The following ZBTB8A variants were observed in gnomAD, a reference collection of about 807,000 sequenced individuals.
ZBTB8A encodes the protein zinc finger and BTB domain containing 8A.
In ZBTB8A, 19 loss-of-function variants were observed where a neutral mutation model predicts 37.8. The ratio of observed to expected loss-of-function variants is 0.50; its 90% confidence interval spans 0.35 to 0.74. The LOEUF (loss-of-function observed/expected upper bound fraction) is 0.74, where lower values mean the gene tolerates loss of function less well. Ranked by LOEUF, ZBTB8A falls within the 30% of genes least tolerant of loss-of-function variation. The probability of loss-of-function intolerance (pLI) is 0.01; values close to 1 mark genes in which losing one functional copy is unlikely to be tolerated. For synonymous variants in ZBTB8A, 181 were observed against 185.2 expected (o/e 0.98, Z 0.19); for missense variants, 394 against 537.8 (o/e 0.73, Z 2.65).
chr1:32,584,682 T>G (rs980644704), intron 2 of ZBTB8A, among the ~76,000 whole-genome samples: 2 of 151,588 alleles, frequency 1.3e-5, no homozygotes, highest in Non-Finnish European at 2.9e-5. Context: ...CAGCTAATTT[T>G]TTTTGTTTTG....
chr1:32,603,422 C>T lies in ZBTB8A; in HGVS notation c.*3003C>T, dbSNP rs1455065874. The T allele has an allele frequency of 1.3e-5, 2 of 152,348 alleles. No homozygotes were observed. The highest frequency in any genetic ancestry group is 2.1e-4 in the South Asian group (1 of 4,828). The allele number at this position is 152,348 out of a possible 1,614,324, so 9.4% of individuals were successfully genotyped here. A position where few individuals can be genotyped will look rare whatever the true frequency, so the allele number is the denominator to read the frequency against. The stretch of plus-strand genomic sequence containing the variant: ...GGATTACAGGCGTGAGCCAGCACGC[C>T]CGGCCTAAATCAGGATTCTTAACAA... On this transcript the variant is annotated 3_prime_UTR_variant, in exon 5 of 5. Transcript: ENST00000373510.
intron 3 of ZBTB8A, 145 bp from the exon 4 acceptor site, chr1:32,594,909 C>A (rs917190303): frequency 4.7e-6 from 4 of 858,162 alleles, no homozygotes; most frequent in Non-Finnish European, 6.6e-6. Context: ...TTTGGGCTAA[C>A]CAACTCCTTG....
Position 32,601,584 on chromosome 1 carries a change from G to A in ZBTB8A, c.*1165G>A, listed in dbSNP as rs1340263150. 7 of 398,384 alleles carry A rather than the reference G, an allele frequency of 1.8e-5. No individual in the cohort carries two copies. The South Asian group carries it at 3.8e-4, about 22-fold the overall frequency. 24.7% of individuals were successfully genotyped at this position (398,384 alleles called of 1,614,324 possible). On this transcript the variant is annotated 3_prime_UTR_variant, in exon 5 of 5. Transcript: ENST00000373510. ...GTACTCTCTCATGTATTTTCTCAGTGAGGTGGATACTATCTCCGATTTACA... is the reference window on the plus strand; with the variant it reads ...GTACTCTCTCATGTATTTTCTCAGTAAGGTGGATACTATCTCCGATTTACA...
chr1:32,555,069 G>T (rs371438103), intron 2 of ZBTB8A, among the ~76,000 whole-genome samples: 7 of 152,134 alleles, frequency 4.6e-5, no homozygotes, highest in African/African-American at 1.7e-4. Flanking sequence ...CTGGGTTAAA[G>T]CCCTTTTCTG....
Position 32,593,343 on chromosome 1 carries a change from A to G in ZBTB8A, c.412A>G (p.Lys138Glu), listed in dbSNP as rs1644504299. 1 of 1,614,212 alleles carries G rather than the reference A, an allele frequency of 6.2e-7. No individual in the cohort carries two copies. The change falls in exon 3 of 5, where the codon AAA (lysine) becomes GAA (glutamate). Residue 138 changes from lysine to glutamate, a missense_variant. Around this residue, in one of 4 missense-constraint regions of ZBTB8A, gnomAD observed 171 missense variants for 186.8 expected, o/e 0.92. Transcript: ENST00000373510. ...EKDRYFSLSD[K>E]DANSNGVERS... ...AGATCGCTATTTCAGTCTCTCAGAT[A>G]AAGATGCCAATTCTAATGGTGTAGA...
intron 2 of ZBTB8A, among the ~76,000 whole-genome samples, chr1:32,578,646 G>C (rs374344115): frequency 6.6e-6 from 1 of 151,454 alleles, no homozygotes; most frequent in Non-Finnish European, 1.5e-5. Flanking sequence ...TTCATTTCTA[G>C]ATCTGTTTCT....
chr1:32,562,486 G>T (rs930644779), intron 2 of ZBTB8A, among the ~76,000 whole-genome samples: 11 of 151,112 alleles, frequency 7.3e-5, no homozygotes, highest in Non-Finnish European at 7.4e-5. Context: ...GGTCAGGCTG[G>T]TCTCAAACTC....
intron 2 of ZBTB8A, among the ~76,000 whole-genome samples, chr1:32,586,478 TAGGAGA>T (rs2148245447): frequency 6.6e-6 from 1 of 152,190 alleles, no homozygotes; most frequent in East Asian, 1.9e-4. Flanking sequence ...TACATTTTAG[TAGGAGA>T]AGACAGATAA....
Position 32,565,983 on chromosome 1 carries a change from T to C in ZBTB8A, c.-2+12443T>C, listed in dbSNP as rs552822177. 1.3e-3 allele frequency among the ~76,000 whole-genome samples: 203 copies of C among 151,304 alleles called. 3 individuals carry two copies. Among genetic ancestry groups the C allele is most frequent in the African/African-American group, 4.8e-3 (196 of 41,174 alleles). On this transcript the variant is annotated intron_variant, in intron 2 of 4. Coordinates refer to ENST00000373510, the MANE Select transcript of ZBTB8A (RefSeq NM_001040441.3). ...TTGGGAGGCTGAGGCAGGCAGATCA[T>C]GACGTCAGGAGATCGAGACCATCCT...
rs12567940 is a variant in ZBTB8A, at chr1:32,601,901, C to A, written c.*1482C>A. The A allele has an allele frequency of 0.043, 16,389 of 382,558 alleles. 599 individuals carry two copies. The highest frequency in any genetic ancestry group is 0.12 in the Admixed American group (2,664 of 22,320). 23.7% of individuals were successfully genotyped at this position (382,558 alleles called of 1,614,324 possible). Reference sequence around the variant, plus strand: ...TACCTATTGGTATGTTTTTATGTCACGTTATTTATATGTAAATTTAAAGTA... The same window carrying A: ...TACCTATTGGTATGTTTTTATGTCAAGTTATTTATATGTAAATTTAAAGTA... On this transcript the variant is annotated 3_prime_UTR_variant, in exon 5 of 5. Transcript: ENST00000373510.
rs949852193 is a variant in ZBTB8A, at chr1:32,602,989, T to G, written c.*2570T>G. On this transcript the variant is annotated 3_prime_UTR_variant, in exon 5 of 5. Transcript: ENST00000373510. Reference sequence around the variant, plus strand: ...ATTGGTTACTTTCTTTTAAAAAATTTAAAAATAGATGAATAACCACTTGTT... The same window carrying G: ...ATTGGTTACTTTCTTTTAAAAAATTGAAAAATAGATGAATAACCACTTGTT... 6.6e-6 allele frequency: 1 copy of G among 152,222 alleles called. No homozygotes were observed. The highest frequency in any genetic ancestry group is 2.4e-5 in the African/African-American group (1 of 41,450). The allele number at this position is 152,222 out of a possible 1,614,324, so 9.4% of individuals were successfully genotyped here.
chr1:32,582,105 A>G (rs987252486), intron 2 of ZBTB8A, among the ~76,000 whole-genome samples: 7 of 152,146 alleles, frequency 4.6e-5, no homozygotes, highest in African/African-American at 1.7e-4. Flanking sequence ...AGGAATTATT[A>G]TATTTTAACT....
intron 2 of ZBTB8A, among the ~76,000 whole-genome samples, chr1:32,580,986 A>T (rs763139841): frequency 2.0e-5 from 3 of 149,020 alleles, no homozygotes; most frequent in Non-Finnish European, 4.4e-5. Flanking sequence ...CACACGACCT[A>T]ATAACTTCTT....
At chr1:32,559,884 T>C (rs1644230743) in intron 2 of ZBTB8A, among the ~76,000 whole-genome samples, 2 of 152,126 alleles carry the variant, frequency 1.3e-5, no homozygotes, top group Non-Finnish European at 2.9e-5. Flanking sequence ...ATGAGCACGC[T>C]CAGCCCCCTT....
chr1:32,580,286 G>GT (rs1463931796), intron 2 of ZBTB8A, among the ~76,000 whole-genome samples: 3 of 152,062 alleles, frequency 2.0e-5, no homozygotes, highest in Admixed American at 2.0e-4. Context: ...GGGCACAGTG[G>GT]CTCATGCCTG....
chr1:32,563,070 A>G (rs1644255297), intron 2 of ZBTB8A, among the ~76,000 whole-genome samples: 1 of 152,152 alleles, frequency 6.6e-6, no homozygotes, highest in Admixed American at 6.5e-5. Flanking sequence ...TTTATTTCAC[A>G]TCCTTACAAG....
At chr1:32,588,016 G>C (rs1644461570) in intron 2 of ZBTB8A, among the ~76,000 whole-genome samples, 1 of 152,146 alleles carries the variant, frequency 6.6e-6, no homozygotes, top group Admixed American at 6.6e-5. Flanking sequence ...CTGGAGGGTG[G>C]TGCACTTGGG....
chr1:32,599,985 T>C, intron 4 of ZBTB8A, 102 bp from the exon 5 acceptor site: 1 of 870,002 alleles, frequency 1.1e-6, no homozygotes, highest in Non-Finnish European at 1.7e-6. Flanking sequence ...TTGAGTTTAA[T>C]GCATGGCTTT....
At chr1:32,559,146 C>G (rs1019986393) in intron 2 of ZBTB8A, among the ~76,000 whole-genome samples, 6 of 152,158 alleles carry the variant, frequency 3.9e-5, no homozygotes, top group African/African-American at 1.4e-4. Context: ...GTGTCTGGCT[C>G]TGCCACCCAG....
Sources: gnomAD v4.1 joint callset for allele counts (sites outside exome capture counted in the v4.1 genomes callset) on GRCh38, gnomAD v4.1.1 for gene constraint, gnomAD v4.1.1 regional missense constraint, MANE v1.5 for transcripts, NCBI Gene and HGNC (gene_info 2026-07-23, HGNC 2026-07-21) for gene names.